The following DMD variants were observed in gnomAD, a reference collection of about 807,000 sequenced individuals.
The protein encoded by DMD is dystrophin.
A neutral mutation model predicts 330.1 loss-of-function variants in DMD; 63 were observed. That is an observed-to-expected ratio of 0.19 (90% confidence interval 0.16 to 0.24). The LOEUF (loss-of-function observed/expected upper bound fraction) is 0.24, where lower values mean the gene tolerates loss of function less well. Among genes scored for constraint, DMD ranks in the 10% least tolerant of loss-of-function variants. The pLI, the probability that DMD is intolerant of heterozygous loss-of-function variation, is 1.00. For synonymous variants in DMD, 1,223 were observed against 959.8 expected (o/e 1.27, Z -5.07); for missense variants, 3,344 against 2,684.1 (o/e 1.25, Z -5.43).
intron 7 of DMD, among the ~76,000 whole-genome samples, chrX:32,800,685 T>A (rs1463284379): frequency 1.8e-5 from 2 of 110,771 alleles, no homozygotes; most frequent in Non-Finnish European, 3.8e-5. Context: ...GTATTTCCCC[T>A]AATGCTATCA....
intron 21 of DMD, among the ~76,000 whole-genome samples, chrX:32,480,466 G>A (rs1470582155): frequency 4.7e-5 from 5 of 107,414 alleles, no homozygotes; most frequent in African/African-American, 1.1e-4. Context: ...ATGTGTCTAC[G>A]TGTGTACATA....
intron 44 of DMD, among the ~76,000 whole-genome samples, chrX:32,198,199 T>G (rs1034939103): frequency 8.9e-6 from 1 of 111,777 alleles, no homozygotes; most frequent in African/African-American, 3.3e-5. Context: ...ATCAACTATA[T>G]TCCAAAAATC....
At chrX:31,223,846 ATG>A (rs1445069170) in intron 63 of DMD, among the ~76,000 whole-genome samples, 3 of 112,460 alleles carry the variant, frequency 2.7e-5, no homozygotes, top group Admixed American at 9.4e-5. Flanking sequence ...TATCCAACAT[ATG>A]TGTCTATGTG....
chrX:31,859,279 T>A (rs1310359143), intron 48 of DMD, among the ~76,000 whole-genome samples: 8 of 111,705 alleles, frequency 7.2e-5, no homozygotes, highest in Non-Finnish European at 1.1e-4. Context: ...TCATTATCCA[T>A]GAGGTCCCAA....
intron 62 of DMD, among the ~76,000 whole-genome samples, chrX:31,280,788 G>C (rs1324720455): frequency 1.8e-5 from 2 of 111,267 alleles, no homozygotes; most frequent in African/African-American, 3.3e-5. Context: ...CAAAACATTA[G>C]ATTCACAAGT....
intron 1 of DMD, among the ~76,000 whole-genome samples, chrX:33,196,563 T>C (rs1380935424): frequency 8.9e-6 from 1 of 112,247 alleles, no homozygotes. Flanking sequence ...TGTATCTGTT[T>C]ATACAAGTTG....
intron 9 of DMD, among the ~76,000 whole-genome samples, chrX:32,659,572 G>A (rs969419889): frequency 1.8e-5 from 2 of 111,066 alleles, no homozygotes; most frequent in South Asian, 3.8e-4. Context: ...GAAGCCTCAC[G>A]ACAGTAGACA....
At chrX:31,995,378 T>A (rs1313017224) in intron 44 of DMD, among the ~76,000 whole-genome samples, 1 of 111,739 alleles carries the variant, frequency 8.9e-6, no homozygotes, top group Non-Finnish European at 1.9e-5. Context: ...TATGGCTGAT[T>A]TTATTCGTCT....
At chrX:32,765,041 T>A (rs894626924) in intron 7 of DMD, among the ~76,000 whole-genome samples, 14 of 109,726 alleles carry the variant, frequency 1.3e-4, no homozygotes, top group African/African-American at 4.6e-4. Context: ...TTATCTGCAT[T>A]TCCCTAATGA....
At chrX:32,316,771 G>C (rs767142717) in intron 41 of DMD, among the ~76,000 whole-genome samples, 1 of 110,219 alleles carries the variant, frequency 9.1e-6, no homozygotes, top group Non-Finnish European at 1.9e-5. Context: ...ACCAGAAATT[G>C]AATCAAAAGA....
At chrX:32,577,810 C>A (rs1264287450) in intron 13 of DMD, among the ~76,000 whole-genome samples, 1 of 112,456 alleles carries the variant, frequency 8.9e-6, no homozygotes, top group Non-Finnish European at 1.9e-5. Flanking sequence ...TGTAGCAAGG[C>A]AGGCATAGTG....
chrX:32,342,248 T>A lies in DMD; in HGVS notation c.5774A>T (p.Glu1925Val). The A allele has an allele frequency of 8.3e-7, 1 of 1,211,400 alleles. No individual in the cohort carries two copies. Among genetic ancestry groups the A allele is most frequent in the Non-Finnish European group, 1.1e-6 (1 of 895,460 alleles). The stretch of plus-strand genomic sequence containing the variant: ...AGCTTGCCTACGCACTGCATTCAGC[T>A]CCTCTTTCTTCTTCTGCAATTCCCG... ...IDRELQKKKE[E>V]LNAVRRQAEG... Residue 1925 changes from glutamate (E) to valine (V), a missense_variant, in exon 41 of 79, where the codon GAG becomes GTG. Coordinates refer to ENST00000357033, the MANE Select transcript of DMD (RefSeq NM_004006.3).
intron 52 of DMD, among the ~76,000 whole-genome samples, chrX:31,699,628 C>A (rs1034430493): frequency 6.2e-5 from 7 of 112,020 alleles, no homozygotes; most frequent in Non-Finnish European, 1.1e-4. Flanking sequence ...CTAGTCTATA[C>A]AAATTTTGCC....
chrX:32,725,365 T>A (rs1246916367), intron 7 of DMD, among the ~76,000 whole-genome samples: 1 of 111,046 alleles, frequency 9.0e-6, no homozygotes, highest in Non-Finnish European at 1.9e-5. Context: ...TGTGTTTATA[T>A]ACATGCTATG....
rs398123853 is a variant in DMD, at chrX:32,644,177, G to A, written c.1286C>T (p.Ser429Leu). ...AGCTACCCTGAGGCATTCCCATCTT[G>A]AATTTAGGAGATTCATCTGCTCTTG... ...EVQEQMNLLN[S>L]RWECLRVASM... The change falls in exon 11 of 79, where the codon TCA becomes TTA. Residue 429 changes from serine to leucine, a missense_variant. Coordinates refer to ENST00000357033, the MANE Select transcript of DMD (RefSeq NM_004006.3). 1 of 1,208,001 alleles carries A rather than the reference G, an allele frequency of 8.3e-7. No individual in the cohort carries two copies. The highest frequency in any genetic ancestry group is 1.8e-5 in the African/African-American group (1 of 57,013).
intron 26 of DMD, among the ~76,000 whole-genome samples, chrX:32,450,549 G>A (rs757087109): frequency 9.1e-6 from 1 of 110,344 alleles, no homozygotes; most frequent in East Asian, 2.9e-4. Flanking sequence ...TTCTGTGCCA[G>A]CCATGTCATA....
At chrX:31,267,950 T>C (rs2051309485) in intron 62 of DMD, among the ~76,000 whole-genome samples, 1 of 112,511 alleles carries the variant, frequency 8.9e-6, no homozygotes, top group Non-Finnish European at 1.9e-5. Flanking sequence ...TCCATTTATT[T>C]TGTTGGCTTG....
intron 1 of DMD, among the ~76,000 whole-genome samples, chrX:33,029,412 C>G (rs1298442816): frequency 8.9e-6 from 1 of 112,126 alleles, no homozygotes; most frequent in Admixed American, 9.5e-5. Context: ...TCATGACTGT[C>G]ATGCTTCTGA....
intron 2 of DMD, among the ~76,000 whole-genome samples, chrX:33,016,744 T>A (rs1163852069): frequency 8.9e-6 from 1 of 111,919 alleles, no homozygotes; most frequent in Admixed American, 9.6e-5. Flanking sequence ...TCTCTCTCAA[T>A]TGAGCTGGCA....
Sources: allele counts gnomAD v4.1 joint callset (sites outside exome capture counted in the v4.1 genomes callset), GRCh38; gene constraint gnomAD v4.1.1; transcripts MANE v1.5; gene names NCBI Gene and HGNC (gene_info 2026-07-23, HGNC 2026-07-21).